The following ELF2 variants were observed in gnomAD, a reference collection of about 807,000 sequenced individuals.
The protein encoded by ELF2 is E74 like ETS transcription factor 2.
A neutral mutation model predicts 54.8 loss-of-function variants in ELF2; 11 were observed. The ratio of observed to expected loss-of-function variants is 0.20; its 90% CI spans 0.13 to 0.33. The LOEUF (loss-of-function observed/expected upper bound fraction) is 0.33, where lower values mean the gene tolerates loss of function less well. ELF2 is among the 10% of genes least tolerant of loss of function. ELF2 has a pLI of 1.00. For missense variants in ELF2, 513 were observed against 703.0 expected (o/e 0.73, Z 3.06); for synonymous variants, 203 against 245.1 (o/e 0.83, Z 1.61).
At chr4:139,141,096 A>G (rs1738653640) in intron 1 of ELF2, among the ~76,000 whole-genome samples, 1 of 152,076 alleles carries the variant, frequency 6.6e-6, no homozygotes, top group Non-Finnish European at 1.5e-5. Context: ...ACTCCCTTTC[A>G]ATTCCCCCTT....
At chr4:139,060,273 A>G in intron 9 of ELF2, 51 bp downstream of exon 9, 2 of 1,453,230 alleles carry the variant, frequency 1.4e-6, no homozygotes, top group Non-Finnish European at 1.8e-6. Context: ...TTCACCACGG[A>G]GACTTTTTTA....
chr4:139,140,078 T>A (rs1738558894), intron 1 of ELF2, among the ~76,000 whole-genome samples: 1 of 152,208 alleles, frequency 6.6e-6, no homozygotes, highest in Admixed American at 6.5e-5. Context: ...TATAGGCATA[T>A]GCCACCATGC....
At chr4:139,146,596 T>C (rs1739242164) in intron 1 of ELF2, among the ~76,000 whole-genome samples, 1 of 152,172 alleles carries the variant, frequency 6.6e-6, no homozygotes, top group Non-Finnish European at 1.5e-5. Context: ...ACAACAAATC[T>C]GAAGGCATCA....
At chr4:139,067,202 G>A in intron 7 of ELF2, 1 of 152,242 alleles carries the variant, frequency 6.6e-6, no homozygotes, top group Non-Finnish European at 1.5e-5. Flanking sequence ...GAGGCGGAAA[G>A]ATTACTTAAG....
chr4:139,169,229 T>C (rs1480482563), intron 1 of ELF2, among the ~76,000 whole-genome samples: 1 of 151,306 alleles, frequency 6.6e-6, no homozygotes, highest in African/African-American at 2.4e-5. Flanking sequence ...AGGCCTGTAG[T>C]CCCAGGTACG....
chr4:139,068,468 A>C (rs1014093429), intron 6 of ELF2, among the ~76,000 whole-genome samples: 5 of 152,258 alleles, frequency 3.3e-5, no homozygotes, highest in African/African-American at 9.6e-5. Context: ...TCAAATGAGG[A>C]AAAGTAAAAA....
intron 4 of ELF2, among the ~76,000 whole-genome samples, chr4:139,081,227 G>C (rs1731068696): frequency 6.6e-6 from 1 of 152,054 alleles, no homozygotes; most frequent in African/African-American, 2.4e-5. Context: ...ATGACAGTGA[G>C]TTTTAATAAA....
Position 139,059,064 on chromosome 4 carries a change from G to C in ELF2, c.1701C>G (p.His567Gln), listed in dbSNP as rs745809671. Reference sequence around the variant, plus strand: ...CTGAAGGCGCACTGACAACCACTACGTGGGTCACTGTCTTATTTCCATCTG... The same window carrying C: ...CTGAAGGCGCACTGACAACCACTACCTGGGTCACTGTCTTATTTCCATCTG... ...KPADGNKTVT[H>Q]VVVVSAPSAI... The change falls in exon 10 of 10, where the codon CAC becomes CAG. Residue 567 changes from histidine (H) to glutamine (Q), a missense_variant. His to Gln is a conservative substitution (Grantham distance 24). Around this residue, in one of 3 missense-constraint regions of ELF2, gnomAD observed 291 missense variants for 366.1 expected, o/e 0.79. Coordinates refer to ENST00000686138, the MANE Select transcript of ELF2 (RefSeq NM_001331036.3). 3.1e-6 allele frequency: 5 copies of C among 1,613,924 alleles called. No homozygotes were observed. The highest frequency in any genetic ancestry group is 4.2e-6 in the Non-Finnish European group (5 of 1,179,854).
chr4:139,139,451 T>A lies in ELF2; in HGVS notation c.-205A>T. The A allele has an allele frequency of 8.1e-7, 1 of 1,230,176 alleles. No individual in the cohort carries two copies. The highest frequency in any genetic ancestry group is 3.2e-5 in the East Asian group (1 of 31,508). The allele number at this position is 1,230,176 out of a possible 1,614,324, so 76.2% of individuals were successfully genotyped here. A position where few individuals can be genotyped will look rare whatever the true frequency, so the allele number is the denominator to read the frequency against. On this transcript the variant is annotated 5_prime_UTR_variant, in exon 2 of 10. Coordinates refer to ENST00000686138, the MANE Select transcript of ELF2 (RefSeq NM_001331036.3). ...AGTAGTCTAAGCATCCTTCACTATT[T>A]TCACAACTTGGGAAGAGCTAAAATC...
rs564363337 is a variant in ELF2, at chr4:139,115,048, C to G, written c.238+10116G>C. On this transcript the variant is annotated intron_variant, in intron 4 of 9. Transcript: ENST00000686138. ...CAGCAGCTCCTTGACCGTGGCAGCC[C>G]GGGCATCGTCACTCTCCATGTCCAG... The G allele has an allele frequency of 7.4e-6, 12 of 1,613,896 alleles. No homozygotes were observed. The East Asian group carries it at 2.5e-4, about 33-fold the overall frequency.
In ELF2 at chr4:139,058,257, T is replaced by G. The variant is rs534845667; in HGVS notation, c.*726A>C. Reference sequence around the variant, plus strand: ...TTACATGTATATTCTATAACAATACTGTGCTAGGTACAAGATTTTTAAAAT... The same window carrying G: ...TTACATGTATATTCTATAACAATACGGTGCTAGGTACAAGATTTTTAAAAT... On this transcript the variant is annotated 3_prime_UTR_variant, in exon 10 of 10. Coordinates refer to ENST00000686138, the MANE Select transcript of ELF2 (RefSeq NM_001331036.3). 6.6e-6 allele frequency: 1 copy of G among 152,168 alleles called. No individual in the cohort carries two copies. Among genetic ancestry groups the G allele is most frequent in the African/African-American group, 2.4e-5 (1 of 41,450 alleles). 9.4% of individuals were successfully genotyped at this position (152,168 alleles called of 1,614,324 possible).
chr4:139,101,589 A>T (rs774014538), intron 4 of ELF2: 1 of 152,244 alleles, frequency 6.6e-6, no homozygotes, highest in African/African-American at 2.4e-5. Flanking sequence ...GAAACAGAGG[A>T]TAACAAAATT....
At chr4:139,152,159 A>G (rs1432322683) in intron 1 of ELF2, among the ~76,000 whole-genome samples, 1 of 152,234 alleles carries the variant, frequency 6.6e-6, no homozygotes, top group East Asian at 1.9e-4. Context: ...GCAAAATAGT[A>G]TAAATTTGCC....
chr4:139,106,340 A>G (rs1212267443), intron 4 of ELF2, among the ~76,000 whole-genome samples: 1 of 147,800 alleles, frequency 6.8e-6, no homozygotes, highest in Non-Finnish European at 1.5e-5. Flanking sequence ...ATTATTAGAG[A>G]AAAGAGAATG....
At chr4:139,061,747 T>C (rs1578656682) in intron 8 of ELF2, 118 bp downstream of exon 8, 1 of 1,197,264 alleles carries the variant, frequency 8.4e-7, no homozygotes, top group South Asian at 1.6e-5. Context: ...GAAGCTCCTC[T>C]AGAATATCCC....
At chr4:139,123,002 G>T (rs1425365452) in intron 4 of ELF2, among the ~76,000 whole-genome samples, 1 of 151,790 alleles carries the variant, frequency 6.6e-6, no homozygotes, top group Non-Finnish European at 1.5e-5. Flanking sequence ...GGCCAACATG[G>T]TGAAACCCTG....
chr4:139,083,963 T>C (rs1302236177), intron 4 of ELF2, among the ~76,000 whole-genome samples: 1 of 152,164 alleles, frequency 6.6e-6, no homozygotes, highest in African/African-American at 2.4e-5. Context: ...ACTTCCTGAT[T>C]CGTCGCCTCC....
In ELF2 at chr4:139,106,325, T is replaced by C. The variant is rs529383152; in HGVS notation, c.238+18839A>G. On this transcript the variant is annotated intron_variant, in intron 4 of 9. Coordinates refer to ENST00000686138, the MANE Select transcript of ELF2 (RefSeq NM_001331036.3). The stretch of plus-strand genomic sequence containing the variant: ...TTTAAACTGGCTTTCAGATCCCTAG[T>C]ATGGATTATTAGAGAAAAGAGAATG... Among the ~76,000 whole-genome samples, 247 of 151,786 alleles carry C rather than the reference T, an allele frequency of 1.6e-3. 1 individual carries two copies. Among genetic ancestry groups the C allele is most frequent in the Non-Finnish European group, 2.7e-3 (182 of 67,974 alleles).
intron 1 of ELF2, among the ~76,000 whole-genome samples, chr4:139,151,460 T>C (rs1254977929): frequency 6.6e-6 from 1 of 152,232 alleles, no homozygotes; most frequent in Non-Finnish European, 1.5e-5. Flanking sequence ...GGGGGATTCC[T>C]ACTAATTAAT....
Sources: allele counts gnomAD v4.1 joint callset (sites outside exome capture counted in the v4.1 genomes callset), GRCh38; gene constraint gnomAD v4.1.1; regional missense constraint gnomAD v4.1.1; transcripts MANE v1.5; gene names NCBI Gene and HGNC (gene_info 2026-07-23, HGNC 2026-07-21).